The following DOT1L variants were observed in gnomAD, a reference collection of about 807,000 sequenced individuals.
The protein encoded by DOT1L is DOT1 like histone lysine methyltransferase, also known as histone-lysine N-methyltransferase, H3 lysine-79 specific.
DOT1L carries 33 observed loss-of-function variants against 153.3 expected under a neutral mutation model. The ratio of observed to expected loss-of-function variants is 0.22; its 90% CI spans 0.16 to 0.29. The LOEUF is 0.29. Ranked by LOEUF, DOT1L falls within the 10% of genes least tolerant of loss-of-function variation. The pLI is 1.00. For missense variants in DOT1L, 1,847 were observed against 2,119.9 expected (o/e 0.87, Z 2.53); for synonymous variants, 1,135 against 965.1 (o/e 1.18, Z -3.26).
Position 2,207,447 on chromosome 19 carries a change from A to G in DOT1L, c.857-127A>G. 3 of 741,972 alleles carry G rather than the reference A, an allele frequency of 4.0e-6. No individual in the cohort carries two copies. The highest frequency in any genetic ancestry group is 6.5e-6 in the Non-Finnish European group (3 of 463,028). The allele number at this position is 741,972 out of a possible 1,614,324, so 46.0% of individuals were successfully genotyped here. The stretch of plus-strand genomic sequence containing the variant: ...TCTGTGGGCCACTGTGGCCTGACGC[A>G]GTGTGGGAGAAGAGGGAAGACGCGC... On this transcript the variant is annotated intron_variant, in intron 10 of 27. Transcript: ENST00000398665. This position sits in a 1 kb window ranked among gnomAD's most constrained non-coding sequence, Gnocchi z 4.5.
intron 1 of DOT1L, among the ~76,000 whole-genome samples, chr19:2,179,562 C>G (rs1328475871): frequency 6.6e-6 from 1 of 152,118 alleles, no homozygotes; most frequent in Non-Finnish European, 1.5e-5. Flanking sequence ...AATCCCAATA[C>G]TTTGGGAGGC....
In DOT1L at chr19:2,177,148, C is replaced by CGGCA. The variant is rs1303065009; in HGVS notation, c.82-3564_82-3561dup. On this transcript the variant is annotated intron_variant, in intron 1 of 27. Coordinates refer to ENST00000398665, the MANE Select transcript of DOT1L (RefSeq NM_032482.3). ...CCCCGTGAGGGGGAGCTCTGTGGAG[C>CGGCA]GGCACTGTCCTGACGGCAGCCACTA... Among the ~76,000 whole-genome samples, 14 of 152,274 alleles carry CGGCA rather than the reference C, an allele frequency of 9.2e-5. 1 individual carries two copies. The East Asian group carries it at 2.7e-3, about 29-fold the overall frequency.
intron 7 of DOT1L, among the ~76,000 whole-genome samples, chr19:2,199,119 C>T (rs2023140948): frequency 6.6e-6 from 1 of 152,198 alleles, no homozygotes; most frequent in Non-Finnish European, 1.5e-5. Flanking sequence ...TCTTGATTGT[C>T]CAGATGCTAC....
intron 14 of DOT1L, 104 bp from the exon 15 acceptor site, chr19:2,210,995 T>C (rs1399375913): frequency 1.0e-5 from 15 of 1,448,570 alleles, no homozygotes; most frequent in Non-Finnish European, 1.3e-5. Context: ...GCCTTCAGGG[T>C]GGCCCCATCC....
Position 2,210,425 on chromosome 19 carries a change from G to T in DOT1L, c.1031G>T (p.Arg344Leu). The T allele has an allele frequency of 6.4e-7, 1 of 1,554,676 alleles. No individual in the cohort carries two copies. The stretch of plus-strand genomic sequence containing the variant: ...GAGGAACAGGAGGCAGCCCGGCGCC[G>T]CCAGCAGCGCGAGAGCAAGAGCAAC... ...LREEQEAARRRQQRESKSNAA... is the reference protein window; with the variant it reads ...LREEQEAARRLQQRESKSNAA... The change falls in exon 13 of 28, where the codon CGC becomes CTC. Residue 344 changes from arginine (R) to leucine (L), a missense_variant. By Grantham distance (102) the Arg-to-Leu change is moderately radical (BLOSUM62 -2). Transcript: ENST00000398665.
chr19:2,214,419 G>A (rs2023827234), intron 18 of DOT1L, 52 bp from the exon 19 acceptor site: 1 of 1,598,686 alleles, frequency 6.3e-7, no homozygotes. Flanking sequence ...AGTGTGGGGT[G>A]TGCTGGGCAG....
chr19:2,202,834 G>A (rs142960744), intron 9 of DOT1L, 55 bp downstream of exon 9: 140 of 1,594,040 alleles, frequency 8.8e-5, no homozygotes, highest in Non-Finnish European at 1.1e-4. Flanking sequence ...AGGAAGGGTG[G>A]CCAGGAGGTC....
intron 1 of DOT1L, among the ~76,000 whole-genome samples, chr19:2,177,794 C>T (rs2022022021): frequency 6.6e-6 from 1 of 151,990 alleles, no homozygotes. Flanking sequence ...TGGAATCTCA[C>T]TCTGCTGCCC....
At chr19:2,200,901 C>T (rs980791703) in intron 8 of DOT1L, among the ~76,000 whole-genome samples, 1 of 147,670 alleles carries the variant, frequency 6.8e-6, no homozygotes, top group African/African-American at 2.5e-5. Flanking sequence ...TCTTCATCCT[C>T]CCCTCATTCC....
chr19:2,221,958 C>T lies in DOT1L; in HGVS notation c.2807-18C>T. 6.3e-7 allele frequency: 1 copy of T among 1,586,680 alleles called. No homozygotes were observed. The highest frequency in any genetic ancestry group is 1.7e-4 in the Middle Eastern group (1 of 5,956). Reference sequence around the variant, plus strand: ...GGCCATCCTGTGTCCCCTGAGACCCCCATGTCCTTCCCGGCAGGCTTCTCC... The same window carrying T: ...GGCCATCCTGTGTCCCCTGAGACCCTCATGTCCTTCCCGGCAGGCTTCTCC... On this transcript the variant is annotated intron_variant, in intron 23 of 27. Coordinates refer to ENST00000398665, the MANE Select transcript of DOT1L (RefSeq NM_032482.3).
intron 3 of DOT1L, among the ~76,000 whole-genome samples, chr19:2,187,749 C>T (rs1052321504): frequency 3.9e-5 from 6 of 152,044 alleles, no homozygotes; most frequent in East Asian, 1.9e-4. Context: ...AGTGAAACCC[C>T]GTCTCTACTA....
At chr19:2,174,089 C>T (rs1378163620) in intron 1 of DOT1L, among the ~76,000 whole-genome samples, 2 of 152,236 alleles carry the variant, frequency 1.3e-5, no homozygotes, top group African/African-American at 2.4e-5. Flanking sequence ...TCCTAAAGTG[C>T]TAGCACTACA....
intron 2 of DOT1L, among the ~76,000 whole-genome samples, chr19:2,183,103 G>C (rs894171051): frequency 2.0e-5 from 3 of 152,162 alleles, no homozygotes; most frequent in Non-Finnish European, 4.4e-5. Flanking sequence ...TAGAAACACC[G>C]ACGACGTTCT....
chr19:2,191,075 A>C lies in DOT1L; in HGVS notation c.328A>C (p.Ile110Leu). Residue 110 changes from isoleucine (I) to leucine (L), a missense_variant, in exon 5 of 28, where the codon ATC becomes CTC. By Grantham distance (5) the Ile-to-Leu change is conservative. Transcript: ENST00000398665. This position sits in a 1 kb window ranked among gnomAD's most constrained non-coding sequence, Gnocchi z 6.8. ...GCCGTCCACTGGACTCCTGCGCCAT[A>C]TCCTGCAGCAGGTCTACAACCACTC... ...TRPSTGLLRH[I>L]LQQVYNHSVT... 1 of 1,612,578 alleles carries C rather than the reference A, an allele frequency of 6.2e-7. No individual in the cohort carries two copies. The highest frequency in any genetic ancestry group is 8.5e-7 in the Non-Finnish European group (1 of 1,179,798).
rs527366583 is a variant in DOT1L, at chr19:2,214,672, A to C, written c.1923+76A>C. On this transcript the variant is annotated intron_variant, in intron 19 of 27. Coordinates refer to ENST00000398665, the MANE Select transcript of DOT1L (RefSeq NM_032482.3). The stretch of plus-strand genomic sequence containing the variant: ...GCCTCCCTGTGACGTCGTTGAGCCT[A>C]GGGTGGTTGCGGTTGCAGCAGCCTA... 4.6e-5 allele frequency: 71 copies of C among 1,554,842 alleles called. No individual in the cohort carries two copies. The African/African-American group carries it at 9.1e-4, about 20-fold the overall frequency.
intron 8 of DOT1L, among the ~76,000 whole-genome samples, chr19:2,200,743 G>T (rs1276663995): frequency 2.1e-5 from 3 of 146,288 alleles, no homozygotes; most frequent in African/African-American, 5.1e-5. Context: ...CATCTTCCCT[G>T]TATTCCTCGT....
At position 2,208,875 on chromosome 19, in the gene DOT1L, G is replaced by C; in HGVS notation, c.964-60G>C. 2 of 1,577,730 alleles carry C rather than the reference G, an allele frequency of 1.3e-6. No homozygotes were observed. Among genetic ancestry groups the C allele is most frequent in the African/African-American group, 1.4e-5 (1 of 73,592 alleles). ...GTTGCTGTTGTTACCTGGGTGTCCA[G>C]ACAAATCCGAACAGAGATTGGGACT... On this transcript the variant is annotated intron_variant, in intron 11 of 27. Coordinates refer to ENST00000398665, the MANE Select transcript of DOT1L (RefSeq NM_032482.3). This position sits in a 1 kb window ranked among gnomAD's most constrained non-coding sequence, Gnocchi z 4.4.
In DOT1L at chr19:2,230,254, GGCCGGCTCCCCCGAC is replaced by G. The variant is rs778070607; in HGVS notation, c.*465_*479del. On this transcript the variant is annotated 3_prime_UTR_variant, in exon 28 of 28. Transcript: ENST00000398665. ...AACCCCGTTCTCGGAAACGCCGCCC[GGCCGGCTCCCCCGAC>G]GCGCTGCTCCCGTACCAAAGGCAGG... 45 of 418,628 alleles carry G rather than the reference GGCCGGCTCCCCCGAC, an allele frequency of 1.1e-4. No homozygotes were observed. The highest frequency in any genetic ancestry group is 1.8e-4 in the Non-Finnish European group (42 of 238,718). The allele number at this position is 418,628 out of a possible 1,614,324, so 25.9% of individuals were successfully genotyped here.
chr19:2,185,841 C>T lies in DOT1L; in HGVS notation c.126-14C>T, dbSNP rs1370076824. On this transcript the variant is annotated splice_polypyrimidine_tract_variant and intron_variant, in intron 2 of 27. Coordinates refer to ENST00000398665, the MANE Select transcript of DOT1L (RefSeq NM_032482.3). ...ACCAAACCCTTCCTGATCGTTTCTG[C>T]TGCTGTGTTTCAGATGGGTCTGTGA... 6.2e-7 allele frequency: 1 copy of T among 1,613,706 alleles called. No individual in the cohort carries two copies. The highest frequency in any genetic ancestry group is 1.3e-5 in the African/African-American group (1 of 75,024).
Sources: allele counts gnomAD v4.1 joint callset (sites outside exome capture counted in the v4.1 genomes callset), GRCh38; gene constraint gnomAD v4.1.1; non-coding constraint Gnocchi (gnomAD v3.1); transcripts MANE v1.5; gene names NCBI Gene and HGNC (gene_info 2026-07-23, HGNC 2026-07-21).